PRKDC: variants seen among roughly 807,000 people sequenced by gnomAD.
PRKDC encodes the protein protein kinase, DNA-activated, catalytic subunit, also known as DNA-dependent protein kinase catalytic subunit.
A neutral mutation model predicts 486.9 loss-of-function variants in PRKDC; 82 were observed. That is an observed-to-expected ratio of 0.17 (90% confidence interval 0.14 to 0.20). PRKDC has a LOEUF of 0.20. Ranked by LOEUF, PRKDC falls within the 10% of genes least tolerant of loss-of-function variation. The probability of loss-of-function intolerance (pLI) is 1.00; values close to 1 mark genes in which losing one functional copy is unlikely to be tolerated. For missense variants in PRKDC, 4,504 were observed against 5,038.2 expected (o/e 0.89, Z 3.21); for synonymous variants, 1,895 against 1,837.0 (o/e 1.03, Z -0.81).
rs1026071576 is a variant in PRKDC at position 47,957,186 on chromosome 8, G to A, written c.309C>T (p.Tyr103=). 6 of 1,581,600 alleles carry A rather than the reference G, an allele frequency of 3.8e-6. No homozygotes were observed. Among genetic ancestry groups the A allele is most frequent in the Non-Finnish European group, 5.2e-6 (6 of 1,153,078 alleles). Residue 103 remains tyrosine (Y), a synonymous_variant, in exon 3 of 86, where the codon TAC becomes TAT. Coordinates refer to ENST00000314191, the MANE Select transcript of PRKDC (RefSeq NM_006904.7). ...TAATTCTTACCTTAATTTCAACAGA[G>A]TAAGGTGCGATCTTCTGGCCCATTT... ...LEKMGQKIAP[Y]SVEIKNTCTS... is the part of the protein sequence containing the mutation.
chr8:47,826,916 T>C, intron 62 of PRKDC, 55 bp from the exon 63 acceptor site: 1 of 1,475,244 alleles, frequency 6.8e-7, no homozygotes, highest in Non-Finnish European at 9.1e-7. Context: ...GGACCATGTC[T>C]TCACAAGGAG....
chr8:47,904,893 A>C lies in PRKDC; in HGVS notation c.3018T>G (p.Thr1006=). Residue 1006 remains threonine (T), a synonymous_variant, in exon 26 of 86, where the codon ACT becomes ACG. Transcript: ENST00000314191. ...CCAATATAGCTTCTAGTAAGGCAAC[A>C]GTATCCTGACTTTCAAATTTCTTGT... is the stretch of plus-strand genomic sequence containing the variant. The part of the protein sequence containing the change: ...TNNKKFESQD[T]VALLEAILDG... The C allele has an allele frequency of 1.2e-6, 2 of 1,611,394 alleles. No homozygotes were observed. Among genetic ancestry groups the C allele is most frequent in the Non-Finnish European group, 1.7e-6 (2 of 1,177,672 alleles).
At chr8:47,934,932 T>G in intron 14 of PRKDC, 77 bp downstream of exon 14, 1 of 1,217,658 alleles carries the variant, frequency 8.2e-7, no homozygotes, top group Non-Finnish European at 1.1e-6. Flanking sequence ...TGCAAAATTA[T>G]ATTCGAAAAC....
At position 47,882,097 on chromosome 8, in the gene PRKDC, C is replaced by A. The variant is rs2089232784; in HGVS notation, c.4777G>T (p.Val1593Leu). ...AACATGCCGTTCAAAACGGCACTCA[C>A]CTGAGACAATTTCGTTGTGAGTGAA... is the stretch of plus-strand genomic sequence containing the variant. Reference protein sequence around the residue: ...MQSSVDNTKMVSAVLNGMLDQ... With the variant: ...MQSSVDNTKMLSAVLNGMLDQ... The change falls in exon 37 of 86, where the codon GTG becomes TTG. Residue 1593 changes from valine (V) to leucine (L), a missense_variant and splice_region_variant. Transcript: ENST00000314191. The A allele has an allele frequency of 1.9e-6, 3 of 1,599,592 alleles. No individual in the cohort carries two copies. Among genetic ancestry groups the A allele is most frequent in the East Asian group, 4.5e-5 (2 of 44,652 alleles).
chr8:47,885,957 T>A lies in PRKDC; in HGVS notation c.4763A>T (p.Asp1588Val), dbSNP rs8178104. 1.2e-6 allele frequency: 2 copies of A among 1,612,932 alleles called. No individual in the cohort carries two copies. The highest frequency in any genetic ancestry group is 1.3e-5 in the African/African-American group (1 of 74,920). Residue 1588 changes from aspartate to valine, a missense_variant, in exon 36 of 86, where the codon GAT becomes GTT. Transcript: ENST00000314191. Reference sequence around the variant, plus strand: ...AAACTTTGTTACCATTTTGGTATTATCCACTGAAGACTGCATGAGCTCCAA... The same window carrying A: ...AAACTTTGTTACCATTTTGGTATTAACCACTGAAGACTGCATGAGCTCCAA... ...AVLELMQSSV[D>V]NTKMVSAVLN... is the part of the protein sequence containing the mutation.
At chr8:47,817,398 C>A (rs143584137) in intron 68 of PRKDC, 52 bp downstream of exon 68, 24 of 1,279,692 alleles carry the variant, frequency 1.9e-5, no homozygotes, top group Non-Finnish European at 2.6e-5. Context: ...AAAAACCATT[C>A]CAACAATTTC....
chr8:47,798,156 C>T, intron 73 of PRKDC, 81 bp downstream of exon 73: 2 of 1,435,892 alleles, frequency 1.4e-6, no homozygotes, highest in South Asian at 1.3e-5. Context: ...GCACTGCACA[C>T]ACTAACGCGT....
rs1292048096 is a variant in PRKDC, at chr8:47,960,038, G to A, written c.89C>T (p.Ala30Val). 3 of 1,533,874 alleles carry A rather than the reference G, an allele frequency of 2.0e-6. No homozygotes were observed. Among genetic ancestry groups the A allele is most frequent in the Admixed American group, 2.0e-5 (1 of 50,966 alleles). Residue 30 changes from alanine to valine, a missense_variant, in exon 1 of 86, where the codon GCC becomes GTC. By Grantham distance (64) the Ala-to-Val change is moderately conservative. Transcript: ENST00000314191. ...CAGGCCGCGGATCAGTTGATGACCG[G>A]CCAGGGCAGCACCGCAGCGGTCCGC... ...SAADRCGAALAGHQLIRGLGQ... is the reference protein window; with the variant it reads ...SAADRCGAALVGHQLIRGLGQ...
At chr8:47,944,243 A>G (rs372604679) in intron 7 of PRKDC, among the ~76,000 whole-genome samples, 65 of 152,344 alleles carry the variant, frequency 4.3e-4, no homozygotes, top group African/African-American at 1.5e-3. Context: ...TAACAAAGAC[A>G]TGGTTTAAGC....
At chr8:47,874,143 G>T (rs2089032913) in intron 40 of PRKDC, among the ~76,000 whole-genome samples, 1 of 151,760 alleles carries the variant, frequency 6.6e-6, no homozygotes, top group Non-Finnish European at 1.5e-5. Context: ...TAGAGACAGG[G>T]TTTCACCTTG....
At chr8:47,915,863 G>C (rs1343609944) in intron 22 of PRKDC, among the ~76,000 whole-genome samples, 1 of 152,188 alleles carries the variant, frequency 6.6e-6, no homozygotes, top group Non-Finnish European at 1.5e-5. Flanking sequence ...GCTAACTGTA[G>C]TTATTCTTCT....
chr8:47,930,887 C>A (rs191905515), intron 16 of PRKDC, 100 bp from the exon 17 acceptor site: 1 of 1,160,100 alleles, frequency 8.6e-7, no homozygotes, highest in African/African-American at 1.6e-5. Context: ...CCTGATGCTA[C>A]GAAGAAAGAT....
intron 40 of PRKDC, among the ~76,000 whole-genome samples, chr8:47,872,659 G>A (rs1451613408): frequency 1.3e-5 from 2 of 152,146 alleles, no homozygotes; most frequent in Non-Finnish European, 2.9e-5. Context: ...AGACAAAATA[G>A]ATTTCAAGAC....
intron 42 of PRKDC, 21 bp downstream of exon 42, chr8:47,863,378 C>T (rs1249193709): frequency 1.9e-6 from 3 of 1,557,846 alleles, no homozygotes; most frequent in East Asian, 4.5e-5. Context: ...AAATAGAATC[C>T]AAAATTAAGT....
Position 47,817,440 on chromosome 8 carries a change from C to T in PRKDC, c.9557+10G>A. The T allele has an allele frequency of 1.3e-6, 2 of 1,541,938 alleles. No homozygotes were observed. The highest frequency in any genetic ancestry group is 1.8e-6 in the Non-Finnish European group (2 of 1,125,342). On this transcript the variant is annotated intron_variant, in intron 68 of 85. Transcript: ENST00000314191. ...CAATCCACATTTGACTGAAAGGGACCACGTCTTACCGATTTGTGATGATGT... is the reference window on the plus strand; with the variant it reads ...CAATCCACATTTGACTGAAAGGGACTACGTCTTACCGATTTGTGATGATGT...
intron 70 of PRKDC, among the ~76,000 whole-genome samples, chr8:47,801,896 C>T (rs550322918): frequency 6.6e-6 from 1 of 152,202 alleles, no homozygotes; most frequent in Non-Finnish European, 1.5e-5. Flanking sequence ...TACAGGATCA[C>T]AACTACTGGC....
intron 34 of PRKDC, among the ~76,000 whole-genome samples, 195 bp from the exon 35 acceptor site, chr8:47,887,900 G>T (rs1304572721): frequency 6.6e-6 from 1 of 152,168 alleles, no homozygotes; most frequent in East Asian, 1.9e-4. Context: ...CTGTCGCCCA[G>T]GCTGGAGTGC....
intron 28 of PRKDC, among the ~76,000 whole-genome samples, chr8:47,899,111 G>C (rs987490064): frequency 3.9e-5 from 6 of 152,170 alleles, no homozygotes; most frequent in Non-Finnish European, 8.8e-5. Flanking sequence ...AATTATTTAG[G>C]AAAGGAGCCT....
chr8:47,890,856 T>C (rs549550585), intron 31 of PRKDC, among the ~76,000 whole-genome samples: 1 of 152,368 alleles, frequency 6.6e-6, no homozygotes, highest in African/African-American at 2.4e-5. Context: ...ATGAAATGAC[T>C]GCAGAATTGA....
Sources: gnomAD v4.1 joint callset for allele counts (sites outside exome capture counted in the v4.1 genomes callset) on GRCh38, gnomAD v4.1.1 for gene constraint, MANE v1.5 for transcripts, NCBI Gene and HGNC (gene_info 2026-07-23, HGNC 2026-07-21) for gene names.